Variants in AGBL1 observed in about 807,000 individuals in gnomAD.
AGBL1 encodes the protein cytosolic carboxypeptidase 4.
In AGBL1, 130 loss-of-function variants were observed where a neutral mutation model predicts 118.9. The ratio of observed to expected loss-of-function variants is 1.09; its 90% CI spans 0.95 to 1.26. The LOEUF (loss-of-function observed/expected upper bound fraction) is 1.26, where lower values mean the gene tolerates loss of function less well. AGBL1 is among the 50% of genes most tolerant of loss of function. AGBL1 has a pLI of 0.00. For synonymous variants in AGBL1, 555 were observed against 478.9 expected, an observed-to-expected ratio of 1.16 and a Z score of -2.08; for missense variants, 1,584 against 1,298.1, an observed-to-expected ratio of 1.22 and a Z score of -3.38.
In AGBL1 at chr15:86,153,135, A is replaced by G. The variant is rs1254124234; in HGVS notation, c.263-1295A>G. Among the ~76,000 whole-genome samples the G allele has an allele frequency of 3.9e-5, 6 of 152,214 alleles. No individual in the cohort carries two copies. In the South Asian group the frequency reaches 6.2e-4, roughly 16 times the overall value. ...TCAAGGATCTAGAACTAGAATTACC[A>G]TTTGACCCAGCAATCCCATTACTGA... is the stretch of plus-strand genomic sequence containing the variant. On this transcript the variant is annotated intron_variant, in intron 3 of 22. Coordinates refer to ENST00000614907, the MANE Select transcript of AGBL1 (RefSeq NM_001386094.1).
At chr15:86,090,738 A>G (rs1895966690) in intron 1 of AGBL1, among the ~76,000 whole-genome samples, 1 of 152,052 alleles carries the variant, frequency 6.6e-6, no homozygotes, top group African/African-American at 2.4e-5. Context: ...CTTTTCTTTA[A>G]TGGATTATTT....
chr15:86,800,499 C>T (rs1459952501), intron 22 of AGBL1, among the ~76,000 whole-genome samples: 3 of 152,028 alleles, frequency 2.0e-5, no homozygotes, highest in Non-Finnish European at 4.4e-5. Flanking sequence ...ATCCTTCTTC[C>T]ATAAGTCTAT....
chr15:86,142,010 T>C lies in AGBL1; in HGVS notation c.58T>C (p.Ser20Pro). 1 of 1,550,038 alleles carries C rather than the reference T, an allele frequency of 6.5e-7. No homozygotes were observed. The highest frequency in any genetic ancestry group is 1.4e-5 in the African/African-American group (1 of 73,174). Residue 20 changes from serine to proline, a missense_variant, in exon 2 of 23, where the codon TCT becomes CCT. Ser to Pro is a moderately conservative substitution (Grantham distance 74). Transcript: ENST00000614907. ...QVLLHTLQSS[S>P]DKESILTILK... Reference sequence around the variant, plus strand: ...GCCTGTGTTCTCATTGCAGAGCTCCTCTGACAAGGAGTCCATCCTGACCAT... The same window carrying C: ...GCCTGTGTTCTCATTGCAGAGCTCCCCTGACAAGGAGTCCATCCTGACCAT...
chr15:86,090,611 T>C (rs1345951107), intron 1 of AGBL1, among the ~76,000 whole-genome samples: 1 of 152,226 alleles, frequency 6.6e-6, no homozygotes, highest in Non-Finnish European at 1.5e-5. Flanking sequence ...GGTTGTACCA[T>C]AATTTAAATA....
chr15:86,168,106 G>A (rs995614302), intron 5 of AGBL1, among the ~76,000 whole-genome samples: 2 of 152,138 alleles, frequency 1.3e-5, no homozygotes, highest in African/African-American at 4.8e-5. Context: ...GTATTGTGGG[G>A]CTTTTATTAT....
At chr15:87,018,803 C>T (rs989685756) in intron 24 of AGBL1, among the ~76,000 whole-genome samples, 10 of 152,006 alleles carry the variant, frequency 6.6e-5, no homozygotes, top group African/African-American at 1.2e-4. Flanking sequence ...AGGCAAAATG[C>T]CCCAATGAAA....
intron 1 of AGBL1, among the ~76,000 whole-genome samples, chr15:86,121,086 C>T (rs868055809): frequency 1.3e-5 from 2 of 152,060 alleles, no homozygotes; most frequent in South Asian, 4.2e-4. Flanking sequence ...TTAGTAGAGA[C>T]AGGATTTCGC....
intron 18 of AGBL1, among the ~76,000 whole-genome samples, chr15:86,478,146 G>A (rs2082590674): frequency 6.6e-6 from 1 of 152,136 alleles, no homozygotes; most frequent in African/African-American, 2.4e-5. Flanking sequence ...GCAAAAACTG[G>A]AAGCATTCCC....
rs564865774 is a variant in AGBL1, at chr15:87,023,260, C to A, written c.3324-5565C>A. ...CTCATTTAACACGTAAGGACTCACA[C>A]AAACTTAAGTGAAAGGGGTGAAAAA... On this transcript the variant is annotated intron_variant, in intron 24 of 24. Coordinates refer to the AGBL1 transcript ENST00000441037. Among the ~76,000 whole-genome samples, 43 of 151,984 alleles carry A rather than the reference C, an allele frequency of 2.8e-4. No homozygotes were observed. The South Asian group carries it at 8.7e-3, about 31-fold the overall frequency.
At chr15:86,091,802 C>G (rs997602868) in intron 1 of AGBL1, among the ~76,000 whole-genome samples, 1 of 152,066 alleles carries the variant, frequency 6.6e-6, no homozygotes, top group Non-Finnish European at 1.5e-5. Flanking sequence ...AATTATATAT[C>G]TCTCATGTAT....
intron 22 of AGBL1, among the ~76,000 whole-genome samples, chr15:86,814,155 C>G (rs1446309551): frequency 6.6e-6 from 1 of 152,180 alleles, no homozygotes; most frequent in Non-Finnish European, 1.5e-5. Context: ...GCGAGCATTA[C>G]CGCCTGAGCT....
chr15:86,809,401 C>G (rs2078759631), intron 22 of AGBL1, among the ~76,000 whole-genome samples: 1 of 152,178 alleles, frequency 6.6e-6, no homozygotes, highest in South Asian at 2.1e-4. Context: ...GCCATTTCCA[C>G]TCCTCTCACA....
rs540792622 is a variant in AGBL1 at position 86,796,011 on chromosome 15, A to G, written c.3159-111076A>G. On this transcript the variant is annotated intron_variant, in intron 22 of 22. Coordinates refer to ENST00000614907, the MANE Select transcript of AGBL1 (RefSeq NM_001386094.1). ...AACACGTGTACATGAGGCACTCAAG[A>G]CTATGCAGCAGTCTTCTTACATGTG... 5.3e-5 allele frequency among the ~76,000 whole-genome samples: 8 copies of G among 152,160 alleles called. 1 individual carries two copies. The South Asian group carries it at 1.7e-3, about 32-fold the overall frequency.
intron 4 of AGBL1, among the ~76,000 whole-genome samples, chr15:86,158,696 G>A (rs76323686): frequency 6.6e-6 from 1 of 152,192 alleles, no homozygotes; most frequent in Non-Finnish European, 1.5e-5. Flanking sequence ...TTACTGCTGA[G>A]CAGGAAGAAC....
intron 22 of AGBL1, among the ~76,000 whole-genome samples, chr15:86,849,613 C>T (rs988750105): frequency 3.3e-5 from 5 of 150,156 alleles, no homozygotes; most frequent in African/African-American, 1.2e-4. Flanking sequence ...CCTGATGGAC[C>T]TTATTATGGA....
At chr15:86,114,079 C>CT (rs1897606599) in intron 1 of AGBL1, among the ~76,000 whole-genome samples, 1 of 152,220 alleles carries the variant, frequency 6.6e-6, no homozygotes, top group East Asian at 1.9e-4. Context: ...TTGTTAATAA[C>CT]TGAGGCTTAA....
chr15:86,496,233 C>A (rs966530766), intron 18 of AGBL1, among the ~76,000 whole-genome samples: 1 of 151,992 alleles, frequency 6.6e-6, no homozygotes, highest in African/African-American at 2.4e-5. Context: ...CACACTTGCT[C>A]TCTCTCTCCT....
rs530324636 is a variant in AGBL1, at chr15:86,278,180, G to A, written c.2076-1459G>A. Among the ~76,000 whole-genome samples, 6 of 152,292 alleles carry A rather than the reference G, an allele frequency of 3.9e-5. No individual in the cohort carries two copies. The South Asian group carries it at 6.2e-4, about 16-fold the overall frequency. On this transcript the variant is annotated intron_variant, in intron 15 of 22. Transcript: ENST00000614907. Reference sequence around the variant, plus strand: ...CAAAGTAGACCTAATTAGCCATTGCGATCCATATCACACCATGTGGGAAGA... The same window carrying A: ...CAAAGTAGACCTAATTAGCCATTGCAATCCATATCACACCATGTGGGAAGA...
rs185470244 is a variant in AGBL1 at position 86,722,661 on chromosome 15, T to A, written c.3158+48225T>A. ...CAAAAGCCAAAATTGACAAATGGGA[T>A]CTAATTAAACTAAAGAGCTTCTGCA... On this transcript the variant is annotated intron_variant, in intron 22 of 22. Transcript: ENST00000614907. 9.2e-5 allele frequency among the ~76,000 whole-genome samples: 14 copies of A among 152,206 alleles called. No individual in the cohort carries two copies. The East Asian group carries it at 2.5e-3, about 27-fold the overall frequency.
Sources: gnomAD v4.1 joint callset for allele counts (sites outside exome capture counted in the v4.1 genomes callset) on GRCh38, gnomAD v4.1.1 for gene constraint, MANE v1.5 for transcripts, NCBI Gene and HGNC (gene_info 2026-07-23, HGNC 2026-07-21) for gene names.